The following GATAD2B variants were observed in gnomAD, a reference collection of about 807,000 sequenced individuals.
GATAD2B encodes the protein transcriptional repressor p66-beta.
GATAD2B carries 8 observed loss-of-function variants against 64.3 expected under a neutral mutation model. That is an observed-to-expected ratio of 0.12 (90% CI 0.07 to 0.22). The LOEUF is 0.22. Ranked by LOEUF, GATAD2B falls within the 10% of genes least tolerant of loss-of-function variation. The pLI, the probability that GATAD2B is intolerant of heterozygous loss-of-function variation, is 1.00. For synonymous variants in GATAD2B, 281 were observed against 271.3 expected, an observed-to-expected ratio of 1.04 and a Z score of -0.35; for missense variants, 453 against 752.0, an observed-to-expected ratio of 0.60 and a Z score of 4.65.
Position 153,818,314 on chromosome 1 carries a change from CT to C in GATAD2B, c.598-144del, listed in dbSNP as rs35175263. On this transcript the variant is annotated intron_variant, in intron 4 of 10. Transcript: ENST00000368655. ...ACCAGAAAAAGGGAGTCAAGGTTTTCTTTTTTTTTTTTTTTTTTGAGACAGA... is the reference window on the plus strand; with the variant it reads ...ACCAGAAAAAGGGAGTCAAGGTTTTCTTTTTTTTTTTTTTTTTGAGACAGA... 0.41 allele frequency: 129,891 copies of C among 319,344 alleles called. 13,461 individuals are homozygous for C. The highest frequency in any genetic ancestry group is 0.46 in the African/African-American group (17,040 of 36,860). 19.8% of individuals were successfully genotyped at this position (319,344 alleles called of 1,614,324 possible).
rs563438180 is a variant in GATAD2B, at chr1:153,884,816, G to T, written c.-2+37917C>A. Reference sequence around the variant, plus strand: ...TCCGTTGCCCAGCTGGAGTGCAATGGTGCGATCTCAGCTCACTGCAACCTC... The same window carrying T: ...TCCGTTGCCCAGCTGGAGTGCAATGTTGCGATCTCAGCTCACTGCAACCTC... On this transcript the variant is annotated intron_variant, in intron 1 of 10. Coordinates refer to ENST00000368655, the MANE Select transcript of GATAD2B (RefSeq NM_020699.4). Among the ~76,000 whole-genome samples, 208 of 151,550 alleles carry T rather than the reference G, an allele frequency of 1.4e-3. 2 individuals are homozygous for T. The highest frequency in any genetic ancestry group is 4.5e-3 in the African/African-American group (186 of 41,026).
At chr1:153,889,750 T>A in intron 1 of GATAD2B, 1 of 340,424 alleles carries the variant, frequency 2.9e-6, no homozygotes, top group Non-Finnish European at 4.2e-6. Context: ...AAAATGTTAG[T>A]AATTTTTGAA....
At chr1:153,885,026 A>C (rs1231224892) in intron 1 of GATAD2B, among the ~76,000 whole-genome samples, 1 of 152,024 alleles carries the variant, frequency 6.6e-6, no homozygotes, top group Non-Finnish European at 1.5e-5. Flanking sequence ...CAAAGTGCTG[A>C]GATTACAGGT....
chr1:153,873,125 T>A (rs1057369073), intron 1 of GATAD2B, among the ~76,000 whole-genome samples: 39 of 152,254 alleles, frequency 2.6e-4, no homozygotes, highest in Admixed American at 2.2e-3. Context: ...AGAAGGCAAA[T>A]GATGACTTAG....
In GATAD2B at chr1:153,818,904, G is replaced by A. The variant is rs2101882386; in HGVS notation, c.484C>T (p.Arg162Trp). ...EMFKGKGIEE[R>W]QQLIKQLRDE... Reference sequence around the variant, plus strand: ...CTCAGCTGCTTGATAAGCTGCTGCCGCTCCTCAATGCCTTTCCCCTAAGGA... The same window carrying A: ...CTCAGCTGCTTGATAAGCTGCTGCCACTCCTCAATGCCTTTCCCCTAAGGA... Residue 162 changes from arginine (R) to tryptophan (W), a missense_variant, in exon 4 of 11, where the codon CGG becomes TGG. Arg to Trp is a moderately radical substitution (Grantham distance 101). Coordinates refer to ENST00000368655, the MANE Select transcript of GATAD2B (RefSeq NM_020699.4). 1.2e-6 allele frequency: 2 copies of A among 1,610,966 alleles called. No individual in the cohort carries two copies. The highest frequency in any genetic ancestry group is 1.7e-6 in the Non-Finnish European group (2 of 1,179,880).
At chr1:153,819,466 CA>C in intron 3 of GATAD2B, 139 bp downstream of exon 3, 1 of 598,562 alleles carries the variant, frequency 1.7e-6, no homozygotes, top group Non-Finnish European at 2.8e-6. Context: ...CCCTTGAAGT[CA>C]AGAGTTACTA....
intron 1 of GATAD2B, among the ~76,000 whole-genome samples, chr1:153,844,089 A>G (rs1483964032): frequency 6.6e-6 from 1 of 152,192 alleles, no homozygotes. Context: ...ACAGAGTATC[A>G]CAGCAGAGAA....
intron 1 of GATAD2B, among the ~76,000 whole-genome samples, chr1:153,863,123 T>C (rs1676367865): frequency 6.6e-6 from 1 of 152,180 alleles, no homozygotes; most frequent in African/African-American, 2.4e-5. Context: ...TCTGCATTTT[T>C]ACTACTCTCT....
intron 1 of GATAD2B, among the ~76,000 whole-genome samples, chr1:153,838,409 C>CT (rs923197568): frequency 5.9e-5 from 9 of 151,402 alleles, no homozygotes; most frequent in South Asian, 2.1e-4. Context: ...TTTTCTCTGC[C>CT]TTTTTTTTTG....
intron 1 of GATAD2B, among the ~76,000 whole-genome samples, chr1:153,841,404 C>T (rs145209200): frequency 1.8e-3 from 281 of 152,250 alleles, no homozygotes; most frequent in African/African-American, 6.5e-3. Context: ...CCTCAAGGAG[C>T]CCTCGTGTTA....
intron 1 of GATAD2B, among the ~76,000 whole-genome samples, chr1:153,834,056 G>A (rs1194836256): frequency 6.6e-6 from 1 of 151,382 alleles, no homozygotes. Context: ...AGTCTGGAGT[G>A]CAGTGGCACA....
intron 1 of GATAD2B, among the ~76,000 whole-genome samples, chr1:153,840,831 A>C (rs1045476784): frequency 6.6e-6 from 1 of 152,200 alleles, no homozygotes; most frequent in Admixed American, 6.6e-5. Context: ...AAAATATTTC[A>C]AAGATGGAGA....
intron 7 of GATAD2B, among the ~76,000 whole-genome samples, chr1:153,815,093 A>G: frequency 7.1e-6 from 1 of 141,812 alleles, no homozygotes; most frequent in African/African-American, 2.6e-5. Flanking sequence ...AAAAAAAAAA[A>G]AAAAAAAAAA....
At chr1:153,837,624 A>G (rs978225883) in intron 1 of GATAD2B, among the ~76,000 whole-genome samples, 4 of 152,186 alleles carry the variant, frequency 2.6e-5, no homozygotes, top group Admixed American at 6.6e-5. Context: ...AAAATCCAAC[A>G]TAACTGATTA....
chr1:153,855,042 G>A (rs995057044), intron 1 of GATAD2B, among the ~76,000 whole-genome samples: 1 of 152,130 alleles, frequency 6.6e-6, no homozygotes, highest in Non-Finnish European at 1.5e-5. Context: ...ATCTTTGATT[G>A]AATCTTGGTT....
At position 153,839,108 on chromosome 1, in the gene GATAD2B, C is replaced by CAAAAAAAAAAAAAAAA. The variant is rs35262137; in HGVS notation, c.-1-10776_-1-10761dup. 1.6e-3 allele frequency among the ~76,000 whole-genome samples: 125 copies of CAAAAAAAAAAAAAAAA among 78,560 alleles called. 1 individual carries two copies. The highest frequency in any genetic ancestry group is 4.6e-3 in the African/African-American group (75 of 16,258). 51.5% of individuals were successfully genotyped at this position (78,560 alleles called of 152,430 possible). ...TGGGTGACAGAACGAGACCCTGTCT[C>CAAAAAAAAAAAAAAAA]AAAAAAAAAAAAAAAAAAAAAAAAA... On this transcript the variant is annotated intron_variant, in intron 1 of 10. Transcript: ENST00000368655.
chr1:153,839,142 TAAGG>T lies in GATAD2B; in HGVS notation c.-1-10798_-1-10795del, dbSNP rs1675385153. On this transcript the variant is annotated intron_variant, in intron 1 of 10. Coordinates refer to ENST00000368655, the MANE Select transcript of GATAD2B (RefSeq NM_020699.4). ...AAAAAAAAAAAAAAAAAAGAAAGTT[TAAGG>T]AAGAGAGTAGTTGTGTCAAACAACT... Among the ~76,000 whole-genome samples the T allele has an allele frequency of 3.1e-5, 4 of 129,966 alleles. No homozygotes were observed. In the South Asian group the frequency reaches 1.1e-3, roughly 35 times the overall value. The allele number at this position is 129,966 out of a possible 152,430, so 85.3% of individuals were successfully genotyped here. A position where few individuals can be genotyped will look rare whatever the true frequency, so the allele number is the denominator to read the frequency against.
At chr1:153,870,417 T>A (rs1676622669) in intron 1 of GATAD2B, among the ~76,000 whole-genome samples, 1 of 151,976 alleles carries the variant, frequency 6.6e-6, no homozygotes, top group South Asian at 2.1e-4. Flanking sequence ...TAAAAAAATT[T>A]AAAAAATTAG....
At chr1:153,911,911 AG>A (rs758666827) in intron 1 of GATAD2B, among the ~76,000 whole-genome samples, 3 of 152,230 alleles carry the variant, frequency 2.0e-5, no homozygotes, top group Non-Finnish European at 4.4e-5. Context: ...AACTGAATCT[AG>A]AACACAACAC....
Sources: allele counts gnomAD v4.1 joint callset (sites outside exome capture counted in the v4.1 genomes callset), GRCh38; gene constraint gnomAD v4.1.1; transcripts MANE v1.5; gene names NCBI Gene and HGNC (gene_info 2026-07-23, HGNC 2026-07-21).